NELL2: variants seen among roughly 807,000 people sequenced by gnomAD.
The protein encoded by NELL2 is neural EGFL like 2, also known as protein kinase C-binding protein NELL2.
NELL2 carries 41 observed loss-of-function variants against 109.6 expected under a neutral mutation model. The ratio of observed to expected loss-of-function variants is 0.37; its 90% confidence interval spans 0.29 to 0.49. The LOEUF (loss-of-function observed/expected upper bound fraction) is 0.49, where lower values mean the gene tolerates loss of function less well. NELL2 is among the 20% of genes least tolerant of loss of function. NELL2 has a pLI of 0.98. For synonymous variants in NELL2, 355 were observed against 344.7 expected (o/e 1.03, Z -0.33); for missense variants, 900 against 1,008.3 (o/e 0.89, Z 1.45).
intron 12 of NELL2, among the ~76,000 whole-genome samples, chr12:44,675,698 C>T (rs896611752): frequency 3.9e-5 from 6 of 151,978 alleles, no homozygotes; most frequent in Non-Finnish European, 8.8e-5. Flanking sequence ...TATGGGATCA[C>T]AAAGCTTTTG....
chr12:44,706,164 G>A (rs1468113289), intron 11 of NELL2, among the ~76,000 whole-genome samples: 1 of 152,080 alleles, frequency 6.6e-6, no homozygotes, highest in African/African-American at 2.4e-5. Context: ...GAAGTGCCTT[G>A]CTTTTTATCA....
chr12:44,774,661 C>T (rs1213573768), intron 9 of NELL2, 86 bp downstream of exon 9: 1 of 1,082,460 alleles, frequency 9.2e-7, no homozygotes. Flanking sequence ...TTAGCTTGCC[C>T]AGATTAAACC....
chr12:44,526,208 G>C (rs1212119204), intron 16 of NELL2, among the ~76,000 whole-genome samples: 1 of 152,116 alleles, frequency 6.6e-6, no homozygotes, highest in Non-Finnish European at 1.5e-5. Flanking sequence ...TTTTGGAAAA[G>C]AGATTTGAAT....
At chr12:44,736,623 C>T (rs2136486039) in intron 9 of NELL2, among the ~76,000 whole-genome samples, 1 of 152,094 alleles carries the variant, frequency 6.6e-6, no homozygotes, top group South Asian at 2.1e-4. Context: ...CAACAATATA[C>T]TGAACGAAAC....
At chr12:44,766,881 C>T (rs1383087526) in intron 9 of NELL2, among the ~76,000 whole-genome samples, 1 of 152,132 alleles carries the variant, frequency 6.6e-6, no homozygotes, top group Non-Finnish European at 1.5e-5. Context: ...TGTGCAGAGA[C>T]ATTCTTTTGA....
chr12:44,900,424 G>A (rs916847420), intron 1 of NELL2, among the ~76,000 whole-genome samples: 8 of 152,042 alleles, frequency 5.3e-5, no homozygotes, highest in Non-Finnish European at 1.2e-4. Flanking sequence ...CTTAGACCAC[G>A]GTGCAATGAA....
At chr12:44,717,066 TAGAG>T (rs1260099723) in intron 9 of NELL2, among the ~76,000 whole-genome samples, 1 of 152,078 alleles carries the variant, frequency 6.6e-6, no homozygotes, top group Non-Finnish European at 1.5e-5. Context: ...GAAGTTGGCT[TAGAG>T]AGAAACCAAA....
chr12:44,793,880 C>T (rs945327642), intron 3 of NELL2, among the ~76,000 whole-genome samples: 17 of 152,086 alleles, frequency 1.1e-4, no homozygotes, highest in Non-Finnish European at 2.9e-5. Context: ...TGCACAAAAT[C>T]GTATGAATAC....
At chr12:44,823,265 G>A (rs1489891422) in intron 2 of NELL2, among the ~76,000 whole-genome samples, 1 of 151,994 alleles carries the variant, frequency 6.6e-6, no homozygotes, top group Non-Finnish European at 1.5e-5. Context: ...AATGTATGGT[G>A]AGAACATTTG....
In NELL2 at chr12:44,833,428, G is replaced by GT. The variant is rs1368815166; in HGVS notation, c.185-17293dup. On this transcript the variant is annotated intron_variant, in intron 2 of 19. Transcript: ENST00000429094. ...GTGTACTACTTTGTGCTGCCTTATAGTTTTCTCTGTTTCTTGCCTAATTGC... is the reference window on the plus strand; with the variant it reads ...GTGTACTACTTTGTGCTGCCTTATAGTTTTTCTCTGTTTCTTGCCTAATTGC... Among the ~76,000 whole-genome samples the GT allele has an allele frequency of 3.3e-5, 5 of 152,158 alleles. No homozygotes were observed. The East Asian group carries it at 9.7e-4, about 29-fold the overall frequency.
chr12:44,876,476 G>C (rs1047035480), upstream of NELL2: 6 of 1,325,330 alleles, frequency 4.5e-6, no homozygotes, highest in African/African-American at 7.5e-5. Context: ...CCGGTCTAGG[G>C]AGCCCAGGAG....
At chr12:44,692,865 A>G (rs1191558230) in intron 12 of NELL2, among the ~76,000 whole-genome samples, 4 of 152,340 alleles carry the variant, frequency 2.6e-5, no homozygotes, top group Non-Finnish European at 4.4e-5. Context: ...TTTCTTATGA[A>G]TAAGCAAAGA....
intron 9 of NELL2, among the ~76,000 whole-genome samples, chr12:44,730,731 C>A (rs1476157056): frequency 1.3e-5 from 2 of 151,452 alleles, no homozygotes; most frequent in Non-Finnish European, 2.9e-5. Flanking sequence ...AGAAAAAGAA[C>A]AAACTAATTT....
chr12:44,622,686 T>C (rs1017579830), intron 13 of NELL2, among the ~76,000 whole-genome samples: 3 of 152,182 alleles, frequency 2.0e-5, no homozygotes, highest in Non-Finnish European at 4.4e-5. Context: ...GATCAGATAC[T>C]ACTTTCTGAC....
At chr12:44,620,184 G>T (rs1946002539) in intron 13 of NELL2, among the ~76,000 whole-genome samples, 1 of 150,474 alleles carries the variant, frequency 6.6e-6, no homozygotes, top group South Asian at 2.1e-4. Flanking sequence ...ATAAAGGCAA[G>T]GACCATCTTA....
intron 13 of NELL2, among the ~76,000 whole-genome samples, chr12:44,636,842 AG>A (rs1437082069): frequency 6.6e-6 from 1 of 151,460 alleles, no homozygotes; most frequent in Non-Finnish European, 1.5e-5. Flanking sequence ...TGTTTGGAAT[AG>A]TTTCAGAAGT....
intron 12 of NELL2, among the ~76,000 whole-genome samples, chr12:44,669,842 AT>A (rs1370774114): frequency 6.6e-6 from 1 of 152,192 alleles, no homozygotes; most frequent in Non-Finnish European, 1.5e-5. Context: ...TCAAAAACTT[AT>A]TTAACAAACA....
chr12:44,587,307 A>ATATATATATATATATATATTT (rs1302978950), intron 15 of NELL2, among the ~76,000 whole-genome samples: 6 of 96,644 alleles, frequency 6.2e-5, no homozygotes, highest in African/African-American at 2.5e-4. Flanking sequence ...ATATATATAT[A>ATATATATATATATATATATTT]TTTTTTTTTA....
intron 11 of NELL2, among the ~76,000 whole-genome samples, chr12:44,706,512 C>T (rs1937887300): frequency 6.6e-6 from 1 of 152,154 alleles, no homozygotes. Flanking sequence ...TACATCTGAT[C>T]TCTGCCACTA....
Sources: allele counts gnomAD v4.1 joint callset (sites outside exome capture counted in the v4.1 genomes callset), GRCh38; gene constraint gnomAD v4.1.1; transcripts MANE v1.5; gene names NCBI Gene and HGNC (gene_info 2026-07-23, HGNC 2026-07-21).